The following CEP85 variants were observed in gnomAD, a reference collection of about 807,000 sequenced individuals.
CEP85 encodes centrosomal protein 85.
CEP85 carries 58 observed loss-of-function variants against 93.7 expected under a neutral mutation model. The ratio of observed to expected loss-of-function variants is 0.62; its 90% confidence interval spans 0.50 to 0.77. The LOEUF (loss-of-function observed/expected upper bound fraction) is 0.77. CEP85 is among the 30% of genes least tolerant of loss of function. CEP85 has a pLI of 0.00. For synonymous variants in CEP85, 314 were observed against 338.6 expected (o/e 0.93, Z 0.80); for missense variants, 868 against 922.0 (o/e 0.94, Z 0.76).
intron 7 of CEP85, among the ~76,000 whole-genome samples, chr1:26,267,825 G>A (rs2089914789): frequency 6.6e-6 from 1 of 152,176 alleles, no homozygotes; most frequent in Admixed American, 6.5e-5. Context: ...GCTTAAAGCA[G>A]TTGATTTTTC....
intron 7 of CEP85, chr1:26,263,291 C>A: frequency 2.9e-6 from 1 of 344,528 alleles, no homozygotes; most frequent in South Asian, 2.7e-5. Context: ...GCAAGTCCCT[C>A]ACTATTGCTC....
In CEP85 at chr1:26,268,494, T is replaced by C. The variant is rs376096659; in HGVS notation, c.1353T>C (p.Arg451=). The change falls in exon 8 of 14, where the codon CGT becomes CGC. Residue 451 remains arginine, a synonymous_variant. Coordinates refer to ENST00000451429, the MANE Select transcript of CEP85 (RefSeq NM_001319944.2). ...VKKQEERVKG[R]DKHINNLKKK... is the part of the protein sequence containing the mutation. ...ATTTATTTTCCTAGGTCAAAGGTCGTGATAAACATATCAATAATTTGAAAA... is the reference window on the plus strand; with the variant it reads ...ATTTATTTTCCTAGGTCAAAGGTCGCGATAAACATATCAATAATTTGAAAA... 3.7e-6 allele frequency: 6 copies of C among 1,614,144 alleles called. No individual in the cohort carries two copies. The African/African-American group carries it at 8.0e-5, about 22-fold the overall frequency.
intron 2 of CEP85, among the ~76,000 whole-genome samples, chr1:26,240,889 CTG>C (rs1303658711): frequency 6.7e-6 from 1 of 149,360 alleles, no homozygotes; most frequent in Non-Finnish European, 1.5e-5. Context: ...CAGAGTGAGA[CTG>C]TGTCTCAAAA....
intron 6 of CEP85, among the ~76,000 whole-genome samples, chr1:26,259,286 A>G (rs1317398974): frequency 2.0e-5 from 3 of 152,184 alleles, no homozygotes; most frequent in Non-Finnish European, 4.4e-5. Flanking sequence ...CCAGTATACA[A>G]TGGCTTAGGT....
chr1:26,262,580 TAAAATC>T (rs2089828732), intron 7 of CEP85, among the ~76,000 whole-genome samples: 1 of 151,756 alleles, frequency 6.6e-6, no homozygotes, highest in African/African-American at 2.4e-5. Context: ...CTAATGAAAA[TAAAATC>T]AAGAATGATC....
At chr1:26,270,741 A>G (rs938971377) in intron 9 of CEP85, among the ~76,000 whole-genome samples, 2 of 152,218 alleles carry the variant, frequency 1.3e-5, no homozygotes, top group Non-Finnish European at 2.9e-5. Context: ...ATAAATATGT[A>G]TTTTTTAAAT....
intron 2 of CEP85, among the ~76,000 whole-genome samples, chr1:26,240,670 G>A (rs931385914): frequency 1.3e-5 from 2 of 152,108 alleles, no homozygotes; most frequent in East Asian, 3.9e-4. Context: ...CAAGGCGGGT[G>A]GATCACCTGA....
intron 2 of CEP85, among the ~76,000 whole-genome samples, chr1:26,240,491 A>G (rs1422586352): frequency 6.6e-6 from 1 of 152,202 alleles, no homozygotes. Context: ...TGTAAATGCT[A>G]TGTAAATAGT....
chr1:26,272,617 A>ATTTTTTTTTTTTT (rs397861910), intron 11 of CEP85, among the ~76,000 whole-genome samples: 3 of 89,690 alleles, frequency 3.3e-5, no homozygotes, highest in African/African-American at 1.5e-4. Context: ...CTATTACAGC[A>ATTTTTTTTTTTTT]TTTTTTTTTT....
Position 26,261,528 on chromosome 1 carries a change from C to G in CEP85, c.1341+1726C>G, listed in dbSNP as rs985044391. Among the ~76,000 whole-genome samples, 3 of 151,994 alleles carry G rather than the reference C, an allele frequency of 2.0e-5. No homozygotes were observed. The East Asian group carries it at 5.8e-4, about 29-fold the overall frequency. ...TTTAAAAAAATAATAATTTATATAT[C>G]TGTTAGGTAATTAAATACCAATAGA... On this transcript the variant is annotated intron_variant, in intron 7 of 13. Transcript: ENST00000451429.
chr1:26,239,505 C>T (rs1015110119), intron 1 of CEP85, among the ~76,000 whole-genome samples: 1 of 152,112 alleles, frequency 6.6e-6, no homozygotes, highest in Non-Finnish European at 1.5e-5. Flanking sequence ...ATGTGTGCCA[C>T]CATGCCCGGC....
Position 26,272,617 on chromosome 1 carries a change from A to ATTTTTTTTTTT in CEP85, c.1794+563_1794+573dup, listed in dbSNP as rs397861910. Among the ~76,000 whole-genome samples the ATTTTTTTTTTT allele has an allele frequency of 1.2e-4, 11 of 89,690 alleles. 2 individuals carry two copies. Among genetic ancestry groups the ATTTTTTTTTTT allele is most frequent in the African/African-American group, 5.6e-4 (11 of 19,706 alleles). 58.8% of individuals were successfully genotyped at this position (89,690 alleles called of 152,430 possible). A position where few individuals can be genotyped will look rare whatever the true frequency, so the allele number is the denominator to read the frequency against. On this transcript the variant is annotated intron_variant, in intron 11 of 13. Transcript: ENST00000451429. ...GTAGGTGGTGGGCATCTATTACAGC[A>ATTTTTTTTTTT]TTTTTTTTTTTTTTTTTTTTTTTTT...
At chr1:26,263,228 T>C (rs1046268299) in intron 7 of CEP85, 13 of 312,204 alleles carry the variant, frequency 4.2e-5, no homozygotes, top group South Asian at 2.8e-4. Context: ...TACCCACCTC[T>C]GCTGTGCTGT....
At position 26,258,264 on chromosome 1, in the gene CEP85, A is replaced by C. The variant is rs751768901; in HGVS notation, c.1155+4A>C. ...TGTCTGCTTGCTGAGGCTACAGGTAAGTATTGGCCATCAGGATGGCATTCT... is the reference window on the plus strand; with the variant it reads ...TGTCTGCTTGCTGAGGCTACAGGTACGTATTGGCCATCAGGATGGCATTCT... On this transcript the variant is annotated splice_donor_region_variant and intron_variant, in intron 6 of 13. Coordinates refer to ENST00000451429, the MANE Select transcript of CEP85 (RefSeq NM_001319944.2). 2 of 1,586,362 alleles carry C rather than the reference A, an allele frequency of 1.3e-6. No homozygotes were observed. The highest frequency in any genetic ancestry group is 1.7e-6 in the Non-Finnish European group (2 of 1,154,908).
In CEP85 at chr1:26,250,936, T is replaced by C. The variant is rs879614061; in HGVS notation, c.209-4235T>C. ...TGCCTTTTTTTTTTCTTTTTTCTTT[T>C]TTTTTTTTTTTTTTTTTTTTTTGAG... On this transcript the variant is annotated intron_variant, in intron 3 of 13. Coordinates refer to ENST00000451429, the MANE Select transcript of CEP85 (RefSeq NM_001319944.2). Among the ~76,000 whole-genome samples the C allele has an allele frequency of 8.1e-4, 66 of 81,402 alleles. 2 individuals carry two copies. Among genetic ancestry groups the C allele is most frequent in the East Asian group, 5.2e-3 (18 of 3,440 alleles). The allele number at this position is 81,402 out of a possible 152,430, so 53.4% of individuals were successfully genotyped here. A position where few individuals can be genotyped will look rare whatever the true frequency, so the allele number is the denominator to read the frequency against.
At chr1:26,260,527 C>T (rs1031548798) in intron 7 of CEP85, among the ~76,000 whole-genome samples, 3 of 151,792 alleles carry the variant, frequency 2.0e-5, no homozygotes, top group Admixed American at 2.0e-4. Flanking sequence ...TCCATGTGCA[C>T]AGCTAGTTTG....
chr1:26,255,727 T>C lies in CEP85; in HGVS notation c.765T>C (p.Ala255=). The change falls in exon 4 of 14, where the codon GCT becomes GCC. Residue 255 remains alanine, a synonymous_variant. Coordinates refer to ENST00000451429, the MANE Select transcript of CEP85 (RefSeq NM_001319944.2). ...TCCTCCCTTTGGGACTCCAGCCTGC[T>C]CCCGGGCTCTCCAAGCCTCTGCCCT... ...SGVLPLGLQP[A]PGLSKPLPSQ... is the part of the protein sequence containing the mutation. The C allele has an allele frequency of 6.2e-7, 1 of 1,614,118 alleles. No homozygotes were observed.
chr1:26,250,925 CTTTTTTCTT>C (rs564576053), intron 3 of CEP85, among the ~76,000 whole-genome samples: 4,804 of 54,780 alleles, frequency 0.088, 450 homozygotes, highest in Non-Finnish European at 0.12. Context: ...TTTTTTTTTT[CTTTTTTCTT>C]TTTTTTTTTT....
At chr1:26,274,898 T>C in intron 11 of CEP85, 66 bp from the exon 12 acceptor site, 2 of 1,277,700 alleles carry the variant, frequency 1.6e-6, no homozygotes, top group Non-Finnish European at 2.2e-6. Flanking sequence ...AAGCCAGCGG[T>C]GATATTGTCT....
Sources: allele counts gnomAD v4.1 joint callset (sites outside exome capture counted in the v4.1 genomes callset), GRCh38; gene constraint gnomAD v4.1.1; transcripts MANE v1.5; gene names NCBI Gene and HGNC (gene_info 2026-07-23, HGNC 2026-07-21).